UTP20: variants seen among roughly 807,000 people sequenced by gnomAD.
The protein encoded by UTP20 is UTP20 small subunit processome component.
A neutral mutation model predicts 329.5 loss-of-function variants in UTP20; 164 were observed. The observed-to-expected ratio is 0.50, with a 90% CI of 0.44 to 0.57. The LOEUF is 0.57. Among genes scored for constraint, UTP20 ranks in the 20% least tolerant of loss-of-function variants. The pLI is 0.00. For synonymous variants in UTP20, 1,151 were observed against 1,159.3 expected, an observed-to-expected ratio of 0.99 and a Z score of 0.14; for missense variants, 3,055 against 3,284.2, an observed-to-expected ratio of 0.93 and a Z score of 1.71.
intron 22 of UTP20, 40 bp downstream of exon 22, chr12:101,317,703 C>T (rs781368139): frequency 5.8e-6 from 9 of 1,554,884 alleles, no homozygotes; most frequent in Admixed American, 3.9e-5. Flanking sequence ...ATCCACAGTT[C>T]TGGGAGGAAC....
chr12:101,327,913 A>G (rs1274979282), intron 26 of UTP20, among the ~76,000 whole-genome samples: 1 of 152,210 alleles, frequency 6.6e-6, no homozygotes, highest in African/African-American at 2.4e-5. Flanking sequence ...AATCAACCAC[A>G]TGAGCTGTCA....
intron 8 of UTP20, chr12:101,291,164 G>A (rs888729163): frequency 5.7e-5 from 16 of 282,066 alleles, no homozygotes; most frequent in Admixed American, 1.5e-4. Flanking sequence ...AAAATTATTT[G>A]AAATCTCGAT....
In UTP20 at chr12:101,375,797, G is replaced by T. The variant is rs754962123; in HGVS notation, c.7396+41G>T. The T allele has an allele frequency of 7.2e-6, 9 of 1,253,258 alleles. No homozygotes were observed. In the African/African-American group the frequency reaches 1.1e-4, roughly 15 times the overall value. The allele number at this position is 1,253,258 out of a possible 1,614,324, so 77.6% of individuals were successfully genotyped here. ...TTTATTTAAATCAAACACATTTGTTGTCATAGAATTACTGAAAGTAGATTT... is the reference window on the plus strand; with the variant it reads ...TTTATTTAAATCAAACACATTTGTTTTCATAGAATTACTGAAAGTAGATTT... On this transcript the variant is annotated intron_variant, in intron 56 of 61. Transcript: ENST00000261637.
intron 39 of UTP20, 123 bp downstream of exon 39, chr12:101,352,317 G>A (rs902098221): frequency 9.5e-7 from 1 of 1,053,378 alleles, no homozygotes; most frequent in African/African-American, 1.6e-5. Flanking sequence ...CATTTGGGTT[G>A]GTTCCAAGTC....
intron 38 of UTP20, among the ~76,000 whole-genome samples, chr12:101,347,886 T>C (rs767539417): frequency 2.0e-5 from 3 of 152,200 alleles, no homozygotes; most frequent in Non-Finnish European, 4.4e-5. Context: ...TGGAGTGCAG[T>C]AGCGTGATCT....
intron 21 of UTP20, among the ~76,000 whole-genome samples, chr12:101,315,425 A>C (rs1872942267): frequency 1.3e-5 from 2 of 152,192 alleles, no homozygotes; most frequent in South Asian, 4.2e-4. Flanking sequence ...CAGAGGTTGC[A>C]ATGAGCTGAG....
chr12:101,288,937 T>A, intron 5 of UTP20, 23 bp from the exon 6 acceptor site: 1 of 1,579,004 alleles, frequency 6.3e-7, no homozygotes, highest in Non-Finnish European at 8.7e-7. Context: ...TAATGAAATG[T>A]ATCTTATTTT....
chr12:101,374,010 C>T (rs1007929582), intron 54 of UTP20, among the ~76,000 whole-genome samples: 5 of 151,884 alleles, frequency 3.3e-5, no homozygotes, highest in Admixed American at 6.6e-5. Context: ...CCGAGGCGGG[C>T]GGATCACGAG....
chr12:101,326,353 A>C (rs369334903), intron 25 of UTP20, among the ~76,000 whole-genome samples: 1 of 152,206 alleles, frequency 6.6e-6, no homozygotes, highest in East Asian at 1.9e-4. Flanking sequence ...ACATTAATAA[A>C]TGAGAAAAGA....
Position 101,334,801 on chromosome 12 carries a change from C to T in UTP20, c.3641+297C>T, listed in dbSNP as rs556891069. Among the ~76,000 whole-genome samples, 4 of 152,202 alleles carry T rather than the reference C, an allele frequency of 2.6e-5. 1 individual carries two copies. The highest frequency in any genetic ancestry group is 9.6e-5 in the African/African-American group (4 of 41,540). On this transcript the variant is annotated intron_variant, in intron 29 of 61. Coordinates refer to ENST00000261637, the MANE Select transcript of UTP20 (RefSeq NM_014503.3). Reference sequence around the variant, plus strand: ...ACCAGTCTGGACAACGTAGTGAGGGCTTGTCTCTACTGAAAATCAAAAAAT... The same window carrying T: ...ACCAGTCTGGACAACGTAGTGAGGGTTTGTCTCTACTGAAAATCAAAAAAT...
At position 101,338,964 on chromosome 12, in the gene UTP20, G is replaced by A. The variant is rs1313543671; in HGVS notation, c.4013+7G>A. On this transcript the variant is annotated splice_region_variant and intron_variant, in intron 31 of 61. Transcript: ENST00000261637. ...AGCTTGGCATTCTTTCAAAGTAAGT[G>A]ATATGTTGATACTTAAAAGATAACA... The A allele has an allele frequency of 2.5e-6, 4 of 1,578,342 alleles. No individual in the cohort carries two copies. The African/African-American group carries it at 5.5e-5, about 22-fold the overall frequency.
Position 101,303,162 on chromosome 12 carries a change from C to A in UTP20, c.1781+609C>A, listed in dbSNP as rs536215008. 2.0e-5 allele frequency among the ~76,000 whole-genome samples: 3 copies of A among 152,298 alleles called. No homozygotes were observed. The South Asian group carries it at 6.2e-4, about 32-fold the overall frequency. The stretch of plus-strand genomic sequence containing the variant: ...TTTCCAAGTGTTTTAAAGATTTATT[C>A]ATTCACTTTGTTCAGTAGGTAATCA... On this transcript the variant is annotated intron_variant, in intron 15 of 61. Coordinates refer to ENST00000261637, the MANE Select transcript of UTP20 (RefSeq NM_014503.3).
chr12:101,282,103 C>A (rs1871819042), intron 2 of UTP20, among the ~76,000 whole-genome samples: 1 of 152,200 alleles, frequency 6.6e-6, no homozygotes, highest in Non-Finnish European at 1.5e-5. Context: ...GCGATCCAAT[C>A]TCAGTTCGTA....
intron 19 of UTP20, among the ~76,000 whole-genome samples, chr12:101,310,524 G>A (rs1004826098): frequency 1.2e-4 from 15 of 128,884 alleles, no homozygotes; most frequent in African/African-American, 2.5e-4. Flanking sequence ...GTGGTGAGCC[G>A]AGATTGCACC....
Position 101,317,521 on chromosome 12 carries a change from G to A in UTP20, c.2596G>A (p.Asp866Asn), listed in dbSNP as rs776008041. The change falls in exon 22 of 62, where the codon GAT becomes AAT. Residue 866 changes from aspartate (D) to asparagine (N), a missense_variant. Transcript: ENST00000261637. ...AGATCTGCAAGTTGCTCCAACCCAG[G>A]ATCTACGGAGAAAAGGCAAAGGGAT... is the stretch of plus-strand genomic sequence containing the variant. Reference protein sequence around the residue: ...PADLQVAPTQDLRRKGKGMVA... With the variant: ...PADLQVAPTQNLRRKGKGMVA... 1 of 1,614,138 alleles carries A rather than the reference G, an allele frequency of 6.2e-7. No individual in the cohort carries two copies. The highest frequency in any genetic ancestry group is 1.1e-5 in the South Asian group (1 of 91,074).
In UTP20 at chr12:101,338,385, C is replaced by T. The variant is rs916421465; in HGVS notation, c.3868+108C>T. On this transcript the variant is annotated intron_variant, in intron 30 of 61. Coordinates refer to ENST00000261637, the MANE Select transcript of UTP20 (RefSeq NM_014503.3). ...TTTGACTCACTCGAGAGCATATGCT[C>T]AGAAGTTTCTTTTCCCTGGGAACTA... 2.4e-5 allele frequency: 27 copies of T among 1,111,376 alleles called. No homozygotes were observed. The Admixed American group carries it at 5.7e-4, about 24-fold the overall frequency. The allele number at this position is 1,111,376 out of a possible 1,614,324, so 68.8% of individuals were successfully genotyped here. A position where few individuals can be genotyped will look rare whatever the true frequency, so the allele number is the denominator to read the frequency against.
At chr12:101,312,344 C>T in intron 21 of UTP20, 68 bp downstream of exon 21, 1 of 1,560,078 alleles carries the variant, frequency 6.4e-7, no homozygotes, top group Non-Finnish European at 8.6e-7. Context: ...AAGTATTAAC[C>T]TCCCAAAGTG....
intron 43 of UTP20, among the ~76,000 whole-genome samples, chr12:101,359,501 G>GTATA (rs113405115): frequency 0.12 from 17,727 of 147,602 alleles, 1,335 homozygotes; most frequent in East Asian, 0.32. Flanking sequence ...ATGTGTGTGT[G>GTATA]TATATATATA....
At chr12:101,378,486 G>T (rs1372567505) in intron 56 of UTP20, among the ~76,000 whole-genome samples, 1 of 152,100 alleles carries the variant, frequency 6.6e-6, no homozygotes, top group Non-Finnish European at 1.5e-5. Flanking sequence ...CACTTTGGAA[G>T]GCTGAGGCAA....
Sources: gnomAD v4.1 joint callset for allele counts (sites outside exome capture counted in the v4.1 genomes callset) on GRCh38, gnomAD v4.1.1 for gene constraint, MANE v1.5 for transcripts, NCBI Gene and HGNC (gene_info 2026-07-23, HGNC 2026-07-21) for gene names.